The following CATSPERB variants were observed in gnomAD, a reference collection of about 807,000 sequenced individuals.
The protein encoded by CATSPERB is catsper channel auxiliary subunit beta.
Under a neutral mutation model 128.3 loss-of-function variants are expected in CATSPERB, and 93 were observed. The ratio of observed to expected loss-of-function variants is 0.72; its 90% CI spans 0.61 to 0.86. CATSPERB has a LOEUF of 0.86. Ranked by LOEUF, CATSPERB falls within the 40% of genes least tolerant of loss-of-function variation. The pLI is 0.00. For synonymous variants in CATSPERB, 381 were observed against 448.8 expected (o/e 0.85, Z 1.91); for missense variants, 1,153 against 1,329.5 (o/e 0.87, Z 2.06).
chr14:91,620,446 C>A (rs1894021857), intron 19 of CATSPERB, among the ~76,000 whole-genome samples: 1 of 152,102 alleles, frequency 6.6e-6, no homozygotes, highest in African/African-American at 2.4e-5. Flanking sequence ...CTTTTCATTT[C>A]TGGTGGCACA....
chr14:91,640,536 T>C (rs1366766894), intron 15 of CATSPERB, among the ~76,000 whole-genome samples: 3 of 108,714 alleles, frequency 2.8e-5, no homozygotes, highest in Non-Finnish European at 5.6e-5. Flanking sequence ...AGAATGATGA[T>C]TTCCAATTTC....
rs546665832 is a variant in CATSPERB, at chr14:91,603,482, T to C, written c.2709+4812A>G. On this transcript the variant is annotated intron_variant, in intron 22 of 26. Coordinates refer to ENST00000256343, the MANE Select transcript of CATSPERB (RefSeq NM_024764.4). The stretch of plus-strand genomic sequence containing the variant: ...TGGGCAAATTCTGCTCCCTAAGTCT[T>C]AAAGTGTGGGCAAAACTCTGCAGCT... 3.8e-5 allele frequency: 47 copies of C among 1,243,228 alleles called. No individual in the cohort carries two copies. The East Asian group carries it at 8.3e-4, about 22-fold the overall frequency. The allele number at this position is 1,243,228 out of a possible 1,614,324, so 77.0% of individuals were successfully genotyped here.
intron 7 of CATSPERB, among the ~76,000 whole-genome samples, chr14:91,694,458 A>G (rs1769654638): frequency 6.6e-6 from 1 of 150,978 alleles, no homozygotes; most frequent in East Asian, 1.9e-4. Flanking sequence ...AAAAAAAAAA[A>G]AAAAAAAAGA....
intron 1 of CATSPERB, among the ~76,000 whole-genome samples, chr14:91,730,034 G>A (rs1005834570): frequency 1.3e-4 from 20 of 152,120 alleles, no homozygotes; most frequent in African/African-American, 3.9e-4. Flanking sequence ...TAATCTCACT[G>A]TACCTCTCCT....
intron 7 of CATSPERB, among the ~76,000 whole-genome samples, chr14:91,696,399 C>A (rs1212963228): frequency 2.6e-5 from 4 of 152,072 alleles, no homozygotes; most frequent in African/African-American, 9.7e-5. Context: ...TTAAATGCTG[C>A]TGGAAAGGAA....
At chr14:91,623,640 G>A (rs1309536257) in intron 18 of CATSPERB, among the ~76,000 whole-genome samples, 1 of 152,196 alleles carries the variant, frequency 6.6e-6, no homozygotes, top group East Asian at 1.9e-4. Flanking sequence ...CTTGATTATT[G>A]TAATGGCCTC....
At chr14:91,660,252 T>A (rs1324697114) in intron 14 of CATSPERB, among the ~76,000 whole-genome samples, 1 of 152,222 alleles carries the variant, frequency 6.6e-6, no homozygotes, top group Non-Finnish European at 1.5e-5. Context: ...GCATAGTGAT[T>A]GTATAAAATA....
At chr14:91,704,807 A>G in intron 6 of CATSPERB, 106 bp from the exon 7 acceptor site, 1 of 1,187,586 alleles carries the variant, frequency 8.4e-7, no homozygotes, top group Non-Finnish European at 1.2e-6. Context: ...ACTATTCTAT[A>G]GTTCAAAAAA....
At chr14:91,622,383 A>G (rs1030467968) in intron 18 of CATSPERB, among the ~76,000 whole-genome samples, 1 of 152,220 alleles carries the variant, frequency 6.6e-6, no homozygotes, top group Non-Finnish European at 1.5e-5. Flanking sequence ...GTATTTAAGG[A>G]GAATATGAAG....
At chr14:91,677,849 G>T (rs887853705) in intron 11 of CATSPERB, among the ~76,000 whole-genome samples, 1 of 152,108 alleles carries the variant, frequency 6.6e-6, no homozygotes, top group African/African-American at 2.4e-5. Flanking sequence ...TGGTAGACGG[G>T]ATAAAGAAAA....
chr14:91,707,575 CTTTTTTTTTTTTTTTTTTTTTT>C (rs539712771), intron 6 of CATSPERB, among the ~76,000 whole-genome samples: 6 of 58,254 alleles, frequency 1.0e-4, no homozygotes, highest in African/African-American at 4.2e-4. Context: ...TATGTACTTC[CTTTTTTTTTTTTTTTTTTTTTT>C]TTTTTTTTTT....
At chr14:91,588,491 G>C (rs907407103) in intron 24 of CATSPERB, among the ~76,000 whole-genome samples, 4 of 152,086 alleles carry the variant, frequency 2.6e-5, no homozygotes, top group Non-Finnish European at 5.9e-5. Flanking sequence ...TTAGTGATAG[G>C]TAAACGATTT....
At chr14:91,640,722 T>C (rs1894481485) in intron 15 of CATSPERB, among the ~76,000 whole-genome samples, 3 of 70,966 alleles carry the variant, frequency 4.2e-5, no homozygotes, top group African/African-American at 1.3e-4. Flanking sequence ...CATGTGTCTT[T>C]ATAGCAACAT....
At chr14:91,685,414 G>C (rs1895357074) in intron 10 of CATSPERB, among the ~76,000 whole-genome samples, 1 of 152,172 alleles carries the variant, frequency 6.6e-6, no homozygotes, top group Non-Finnish European at 1.5e-5. Context: ...TGATAAGTTA[G>C]TCCAAAATTT....
At chr14:91,639,695 C>A (rs916458154) in intron 15 of CATSPERB, among the ~76,000 whole-genome samples, 1 of 152,186 alleles carries the variant, frequency 6.6e-6, no homozygotes, top group African/African-American at 2.4e-5. Context: ...GTGGTTCTCT[C>A]ATCCTTAGGG....
intron 5 of CATSPERB, among the ~76,000 whole-genome samples, chr14:91,715,904 G>T (rs898070031): frequency 6.6e-6 from 1 of 152,046 alleles, no homozygotes; most frequent in Non-Finnish European, 1.5e-5. Flanking sequence ...ATTAACATTG[G>T]CCCATATAAC....
At chr14:91,604,985 T>C in intron 22 of CATSPERB, 1 of 1,172,540 alleles carries the variant, frequency 8.5e-7, no homozygotes, top group Non-Finnish European at 1.3e-6. Flanking sequence ...CTGAAATCTA[T>C]CATTGAGTAC....
intron 15 of CATSPERB, 119 bp downstream of exon 15, chr14:91,659,718 C>A: frequency 1.1e-6 from 1 of 934,174 alleles, no homozygotes; most frequent in Non-Finnish European, 1.6e-6. Context: ...TCCTACAAAT[C>A]CATCACCCCT....
chr14:91,604,848 A>G (rs768927156), intron 22 of CATSPERB: 735 of 1,484,106 alleles, frequency 5.0e-4, no homozygotes, highest in Non-Finnish European at 6.6e-4. Context: ...TTCTTTGGCC[A>G]GTTGTTTTCC....
Sources: allele counts gnomAD v4.1 joint callset (sites outside exome capture counted in the v4.1 genomes callset), GRCh38; gene constraint gnomAD v4.1.1; transcripts MANE v1.5; gene names NCBI Gene and HGNC (gene_info 2026-07-23, HGNC 2026-07-21).